Variants in PAQR5 observed in about 807,000 individuals in gnomAD.
PAQR5 encodes the protein membrane progestin receptor gamma.
PAQR5 carries 20 observed loss-of-function variants against 34.5 expected under a neutral mutation model. The observed-to-expected ratio is 0.58, with a 90% CI of 0.41 to 0.84. The LOEUF is 0.84. Ranked by LOEUF, PAQR5 falls within the 40% of genes least tolerant of loss-of-function variation. PAQR5 has a pLI of 0.00. For synonymous variants in PAQR5, 131 were observed against 155.6 expected (o/e 0.84, Z 1.18); for missense variants, 378 against 412.7 (o/e 0.92, Z 0.73).
intron 2 of PAQR5, among the ~76,000 whole-genome samples, chr15:69,359,484 G>A (rs1023568642): frequency 6.6e-6 from 1 of 152,050 alleles, no homozygotes; most frequent in East Asian, 1.9e-4. Context: ...TGAGAGGGTC[G>A]TGATTGATTG....
chr15:69,310,814 G>A (rs2053813051), intron 1 of PAQR5, among the ~76,000 whole-genome samples: 1 of 151,802 alleles, frequency 6.6e-6, no homozygotes, highest in Non-Finnish European at 1.5e-5. Context: ...CAAGGCGGGT[G>A]GATCATGAGG....
At chr15:69,338,077 AAAAC>A (rs966051038) in intron 2 of PAQR5, among the ~76,000 whole-genome samples, 18 of 152,136 alleles carry the variant, frequency 1.2e-4, no homozygotes, top group Non-Finnish European at 2.1e-4. Context: ...ACTCTGTCTC[AAAAC>A]AAACAAACAA....
intron 1 of PAQR5, among the ~76,000 whole-genome samples, chr15:69,302,853 T>G (rs2053635039): frequency 6.6e-6 from 1 of 152,148 alleles, no homozygotes; most frequent in Non-Finnish European, 1.5e-5. Flanking sequence ...CATTCTTGAC[T>G]CCTAACAAGG....
At chr15:69,382,651 A>C in intron 4 of PAQR5, among the ~76,000 whole-genome samples, 1 of 119,954 alleles carries the variant, frequency 8.3e-6, no homozygotes, top group East Asian at 2.5e-4. Context: ...CTCAAAAAAA[A>C]AAAAAAGCAT....
At chr15:69,388,749 T>A (rs1469556959) in intron 5 of PAQR5, among the ~76,000 whole-genome samples, 1 of 152,214 alleles carries the variant, frequency 6.6e-6, no homozygotes, top group Non-Finnish European at 1.5e-5. Flanking sequence ...GTCACTGGGA[T>A]AAAAGACAGA....
At chr15:69,358,558 CG>C (rs2055141164) in intron 2 of PAQR5, among the ~76,000 whole-genome samples, 1 of 151,926 alleles carries the variant, frequency 6.6e-6, no homozygotes, top group South Asian at 2.1e-4. Context: ...AAAGTTATTC[CG>C]CCCCTCCCAC....
rs2056082670 is a variant in PAQR5, at chr15:69,385,569, C to T, written c.385+687C>T. Among the ~76,000 whole-genome samples the T allele has an allele frequency of 6.6e-6, 1 of 152,138 alleles. No homozygotes were observed. The highest frequency in any genetic ancestry group is 6.5e-5 in the Admixed American group (1 of 15,276). On this transcript the variant is annotated intron_variant, in intron 5 of 8. Coordinates refer to ENST00000395407, the MANE Select transcript of PAQR5 (RefSeq NM_017705.4). The surrounding 1 kb of genome is among the most constrained non-coding windows in gnomAD (Gnocchi z 4.7). ...TTTTTCTTTGACTATGATGCTCCCTCCTCTGGCCTCTTCTCTCCTCCCCTT... is the reference window on the plus strand; with the variant it reads ...TTTTTCTTTGACTATGATGCTCCCTTCTCTGGCCTCTTCTCTCCTCCCCTT...
intron 6 of PAQR5, among the ~76,000 whole-genome samples, chr15:69,395,003 C>G (rs1426610609): frequency 1.3e-5 from 2 of 152,246 alleles, no homozygotes; most frequent in Non-Finnish European, 2.9e-5. Context: ...TCTCAAGTCA[C>G]AGAAAATCCA....
chr15:69,387,425 C>T (rs1263138452), intron 5 of PAQR5, among the ~76,000 whole-genome samples: 5 of 152,216 alleles, frequency 3.3e-5, no homozygotes, highest in Non-Finnish European at 5.9e-5. Context: ...CCTGCCAAGC[C>T]TCAATTCTTT....
chr15:69,355,747 T>G (rs992499143), intron 2 of PAQR5, among the ~76,000 whole-genome samples: 3 of 152,152 alleles, frequency 2.0e-5, no homozygotes, highest in African/African-American at 7.2e-5. Flanking sequence ...TTATTTTTTA[T>G]ACATTTCTTG....
intron 2 of PAQR5, among the ~76,000 whole-genome samples, chr15:69,346,332 G>T (rs1161484440): frequency 8.1e-6 from 1 of 123,182 alleles, no homozygotes; most frequent in East Asian, 2.3e-4. Flanking sequence ...TTGCGACAGG[G>T]TCTCACTCTT....
chr15:69,359,003 A>G (rs973248978), intron 2 of PAQR5, among the ~76,000 whole-genome samples: 8 of 152,250 alleles, frequency 5.3e-5, no homozygotes, highest in Non-Finnish European at 4.4e-5. Flanking sequence ...TAAACAACAG[A>G]AATTTATTGC....
intron 8 of PAQR5, among the ~76,000 whole-genome samples, chr15:69,402,797 T>G (rs1030997293): frequency 6.6e-6 from 1 of 152,264 alleles, no homozygotes; most frequent in Non-Finnish European, 1.5e-5. Flanking sequence ...TGTGGTCGCC[T>G]CCTTACTCCT....
chr15:69,308,805 A>C (rs1169293665), intron 1 of PAQR5, among the ~76,000 whole-genome samples: 1 of 152,090 alleles, frequency 6.6e-6, no homozygotes, highest in Admixed American at 6.5e-5. Flanking sequence ...GCATGGAGGC[A>C]GCAGTGAGGA....
intron 3 of PAQR5, among the ~76,000 whole-genome samples, chr15:69,377,225 T>G (rs2055731949): frequency 6.6e-6 from 1 of 152,160 alleles, no homozygotes; most frequent in East Asian, 1.9e-4. Flanking sequence ...GCTTGAAAGG[T>G]AGAAGGATAG....
intron 3 of PAQR5, among the ~76,000 whole-genome samples, chr15:69,374,642 A>G (rs1015354033): frequency 6.6e-6 from 1 of 152,130 alleles, no homozygotes; most frequent in Admixed American, 6.5e-5. Context: ...GCGCCACTGC[A>G]CTCCAGCCTG....
intron 2 of PAQR5, among the ~76,000 whole-genome samples, chr15:69,344,281 C>G (rs562640471): frequency 6.6e-6 from 1 of 152,332 alleles, no homozygotes; most frequent in South Asian, 2.1e-4. Flanking sequence ...TTTATCTGGG[C>G]TCATTCAGAG....
intron 1 of PAQR5, among the ~76,000 whole-genome samples, chr15:69,315,492 A>C (rs893534710): frequency 6.6e-6 from 1 of 152,148 alleles, no homozygotes; most frequent in South Asian, 2.1e-4. Flanking sequence ...CTCAAGTCAC[A>C]GGGGCTGGCC....
intron 8 of PAQR5, among the ~76,000 whole-genome samples, chr15:69,403,096 A>C (rs1277316937): frequency 6.6e-6 from 1 of 152,276 alleles, no homozygotes; most frequent in African/African-American, 2.4e-5. Flanking sequence ...TGAGCTGATC[A>C]GTGCTGGCTC....
Sources: gnomAD v4.1 joint callset for allele counts (sites outside exome capture counted in the v4.1 genomes callset) on GRCh38, gnomAD v4.1.1 for gene constraint, Gnocchi (gnomAD v3.1) non-coding constraint, MANE v1.5 for transcripts, NCBI Gene and HGNC (gene_info 2026-07-23, HGNC 2026-07-21) for gene names.